Variants in AOPEP observed in about 807,000 individuals in gnomAD.
AOPEP encodes the protein aminopeptidase O.
In AOPEP, 77 loss-of-function variants were observed where a neutral mutation model predicts 98.1. The observed-to-expected ratio is 0.78, with a 90% CI of 0.65 to 0.95. The LOEUF is 0.95. Among genes scored for constraint, AOPEP ranks in the 40% least tolerant of loss-of-function variants. AOPEP has a pLI of 0.00. For synonymous variants in AOPEP, 346 were observed against 365.3 expected (o/e 0.95, Z 0.60); for missense variants, 1,024 against 1,024.7 (o/e 1.00, Z 0.01).
intron 9 of AOPEP, among the ~76,000 whole-genome samples, chr9:94,966,488 C>A (rs1366630863): frequency 6.6e-6 from 1 of 152,018 alleles, no homozygotes; most frequent in African/African-American, 2.4e-5. Context: ...TTGGGCAGAC[C>A]CATTTTAAAA....
At chr9:94,990,886 C>T (rs527803072) in intron 11 of AOPEP, among the ~76,000 whole-genome samples, 3 of 152,170 alleles carry the variant, frequency 2.0e-5, no homozygotes, top group African/African-American at 7.2e-5. Context: ...CCTCAGCCCC[C>T]CAAAGTGCTG....
chr9:95,009,920 T>C (rs939935533), intron 13 of AOPEP, among the ~76,000 whole-genome samples: 3 of 152,090 alleles, frequency 2.0e-5, no homozygotes, highest in Non-Finnish European at 4.4e-5. Flanking sequence ...TAAATTCTGT[T>C]TTCCAAGTCT....
At chr9:95,016,840 A>G (rs1318157710) in intron 13 of AOPEP, among the ~76,000 whole-genome samples, 1 of 151,414 alleles carries the variant, frequency 6.6e-6, no homozygotes, top group East Asian at 1.9e-4. Context: ...GCCACAAGCA[A>G]TCCTTGTGCT....
At chr9:94,807,660 A>T (rs926359867) in intron 5 of AOPEP, among the ~76,000 whole-genome samples, 1 of 152,244 alleles carries the variant, frequency 6.6e-6, no homozygotes, top group African/African-American at 2.4e-5. Flanking sequence ...TGGGTGAAAA[A>T]GAACAATGGA....
chr9:94,959,869 G>A (rs1027452042), intron 9 of AOPEP, among the ~76,000 whole-genome samples: 12 of 152,048 alleles, frequency 7.9e-5, no homozygotes, highest in Admixed American at 3.9e-4. Flanking sequence ...TATAAAAATA[G>A]GATTATATTA....
Position 94,790,914 on chromosome 9 carries a change from A to G in AOPEP, c.965-1851A>G, listed in dbSNP as rs117438008. ...CAGTGATTGGATGTCAAATGTGTTT[A>G]ACCCTCTAAAACTTAAAGCAAGAGA... On this transcript the variant is annotated intron_variant, in intron 3 of 16. Coordinates refer to ENST00000375315, the MANE Select transcript of AOPEP (RefSeq NM_001193329.3). Among the ~76,000 whole-genome samples, 1,081 of 151,916 alleles carry G rather than the reference A, an allele frequency of 7.1e-3. 7 individuals are homozygous for G. Among genetic ancestry groups the G allele is most frequent in the Middle Eastern group, 0.027 (8 of 294 alleles).
chr9:94,874,488 C>T (rs73657009), intron 5 of AOPEP, among the ~76,000 whole-genome samples: 2,666 of 152,244 alleles, frequency 0.018, 81 homozygotes, highest in African/African-American at 0.06. Context: ...CTCATCAATC[C>T]GTGACACACT....
chr9:95,052,340 T>C lies in AOPEP; in HGVS notation c.2116-8354T>C, dbSNP rs61614589. Among the ~76,000 whole-genome samples, 419 of 152,336 alleles carry C rather than the reference T, an allele frequency of 2.8e-3. 1 individual carries two copies. Among genetic ancestry groups the C allele is most frequent in the African/African-American group, 9.5e-3 (393 of 41,582 alleles). On this transcript the variant is annotated intron_variant, in intron 13 of 16. Transcript: ENST00000375315. ...TATTCCTTTTATAGAAGTTAAAATA[T>C]AGTTTTCTTTGAACTCGGTTATTCC... is the stretch of plus-strand genomic sequence containing the variant.
At chr9:94,869,360 C>G (rs1020572107) in intron 5 of AOPEP, among the ~76,000 whole-genome samples, 3 of 152,184 alleles carry the variant, frequency 2.0e-5, no homozygotes, top group African/African-American at 4.8e-5. Flanking sequence ...AGTTTTTGAT[C>G]CTTTAAGTTG....
chr9:95,146,487 C>CAAAAA, the AOPEP span, among the ~76,000 whole-genome samples: 5,152 of 45,020 alleles, frequency 0.11, 877 homozygotes, highest in African/African-American at 0.14. Flanking sequence ...GACCCCATCT[C>CAAAAA]AAAAAAAAAA....
intron 11 of AOPEP, among the ~76,000 whole-genome samples, chr9:95,003,158 G>GTA (rs996260620): frequency 1.3e-5 from 2 of 150,424 alleles, no homozygotes; most frequent in Non-Finnish European, 2.9e-5. Context: ...GTGTGTGTGT[G>GTA]TGTGTGTGCG....
chr9:95,005,247 G>A, intron 12 of AOPEP, 27 bp downstream of exon 12: 6 of 1,073,406 alleles, frequency 5.6e-6, no homozygotes, highest in Non-Finnish European at 6.8e-6. Flanking sequence ...CGGTCCCTGC[G>A]CCCCGGTGGC....
At chr9:94,926,639 G>A (rs567331935) in intron 6 of AOPEP, among the ~76,000 whole-genome samples, 19 of 152,326 alleles carry the variant, frequency 1.2e-4, no homozygotes, top group Admixed American at 2.0e-4. Context: ...GGAGTGCCCT[G>A]TGGGGCAGGG....
chr9:94,788,814 A>G (rs1234484728), intron 3 of AOPEP, among the ~76,000 whole-genome samples: 2 of 152,150 alleles, frequency 1.3e-5, no homozygotes, highest in Non-Finnish European at 2.9e-5. Context: ...CTTGCCTTCA[A>G]CTGTGCCATT....
At chr9:94,740,922 A>G (rs980283489) in intron 1 of AOPEP, among the ~76,000 whole-genome samples, 2 of 152,256 alleles carry the variant, frequency 1.3e-5, no homozygotes, top group African/African-American at 4.8e-5. Flanking sequence ...GGCCTAGCAC[A>G]AAGGCTGGCG....
chr9:94,809,005 G>A (rs1011103510), intron 5 of AOPEP, among the ~76,000 whole-genome samples: 12 of 152,254 alleles, frequency 7.9e-5, no homozygotes, highest in South Asian at 4.1e-4. Flanking sequence ...TATTGAAAGC[G>A]CAGTTGGAAA....
intron 13 of AOPEP, chr9:95,020,329 CAGA>C (rs2063343691): frequency 2.0e-5 from 3 of 152,186 alleles, no homozygotes; most frequent in African/African-American, 7.2e-5. Flanking sequence ...GATGGTACCC[CAGA>C]AGGCCATCCT....
chr9:95,108,065 C>G, the AOPEP span, among the ~76,000 whole-genome samples: 2 of 152,208 alleles, frequency 1.3e-5, no homozygotes, highest in Non-Finnish European at 2.9e-5. Flanking sequence ...CAGCTATGTT[C>G]CATCACTTCT....
At chr9:95,123,730 G>A in the AOPEP span, 2 of 691,754 alleles carry the variant, frequency 2.9e-6, no homozygotes, top group Admixed American at 1.8e-5. Flanking sequence ...TGTATTTGAA[G>A]CTACATTACT....
Sources: gnomAD v4.1 joint callset for allele counts (sites outside exome capture counted in the v4.1 genomes callset) on GRCh38, gnomAD v4.1.1 for gene constraint, MANE v1.5 for transcripts, NCBI Gene and HGNC (gene_info 2026-07-23, HGNC 2026-07-21) for gene names.